The following SERPINF1 variants were observed in gnomAD, a reference collection of about 807,000 sequenced individuals.
The protein encoded by SERPINF1 is serpin family F member 1, also known as pigment epithelium-derived factor.
Under a neutral mutation model 37.3 loss-of-function variants are expected in SERPINF1, and 29 were observed. That is an observed-to-expected ratio of 0.78 (90% confidence interval 0.58 to 1.06). SERPINF1 has a LOEUF of 1.06. SERPINF1 is among the 50% of genes least tolerant of loss of function. The probability of loss-of-function intolerance (pLI) is 0.00; values close to 1 mark genes in which losing one functional copy is unlikely to be tolerated. For missense variants in SERPINF1, 553 were observed against 532.2 expected (o/e 1.04, Z -0.38); for synonymous variants, 281 against 227.9 (o/e 1.23, Z -2.10).
rs749205865 is a variant in SERPINF1 at position 1,775,251 on chromosome 17, G to C, written c.786+51G>C. 1.5e-5 allele frequency: 23 copies of C among 1,580,092 alleles called. No individual in the cohort carries two copies. The Admixed American group carries it at 3.9e-4, about 27-fold the overall frequency. ...GGGGTGGATGGAGGGAGAGGATAGA[G>C]AAGCAAAACAGGGTAGTGGGAATAA... is the stretch of plus-strand genomic sequence containing the variant. On this transcript the variant is annotated intron_variant, in intron 6 of 7. Coordinates refer to ENST00000254722, the MANE Select transcript of SERPINF1 (RefSeq NM_002615.7).
chr17:1,774,853 T>C (rs1907931346), intron 5 of SERPINF1, among the ~76,000 whole-genome samples: 1 of 152,124 alleles, frequency 6.6e-6, no homozygotes, highest in African/African-American at 2.4e-5. Context: ...AGTTTGCTGG[T>C]GAAGGGCACT....
At chr17:1,768,547 C>T (rs1003946112) in intron 2 of SERPINF1, among the ~76,000 whole-genome samples, 3 of 151,654 alleles carry the variant, frequency 2.0e-5, no homozygotes, top group Non-Finnish European at 4.4e-5. Flanking sequence ...GATCTTGGCT[C>T]ACTGCAATCT....
chr17:1,764,853 T>A (rs902468371), intron 1 of SERPINF1, among the ~76,000 whole-genome samples: 6 of 150,484 alleles, frequency 4.0e-5, no homozygotes, highest in Non-Finnish European at 8.9e-5. Context: ...TCCTTTTTTT[T>A]TTTTTTTTGA....
In SERPINF1 at chr17:1,775,156, A is replaced by C; in HGVS notation, c.742A>C (p.Lys248Gln). ...TVRVPMMSDPKAVLRYGLDSD... is the reference protein window; with the variant it reads ...TVRVPMMSDPQAVLRYGLDSD... ...GAGGGTCCCCATGATGTCGGACCCT[A>C]AGGCTGTTTTACGCTATGGCTTGGA... is the stretch of plus-strand genomic sequence containing the variant. Residue 248 changes from lysine to glutamine, a missense_variant, in exon 6 of 8, where the codon AAG becomes CAG. Lys to Gln is a moderately conservative substitution (Grantham distance 53). Coordinates refer to ENST00000254722, the MANE Select transcript of SERPINF1 (RefSeq NM_002615.7). 1 of 1,613,632 alleles carries C rather than the reference A, an allele frequency of 6.2e-7. No homozygotes were observed. Among genetic ancestry groups the C allele is most frequent in the Non-Finnish European group, 8.5e-7 (1 of 1,179,766 alleles).
chr17:1,776,580 C>T lies in SERPINF1; in HGVS notation c.835C>T (p.Pro279Ser), dbSNP rs753808651. ...AAGCATGAGTATCATCTTCTTCCTG[C>T]CCCTGAAAGTGACCCAGAATTTGAC... Reference protein sequence around the residue: ...TGSMSIIFFLPLKVTQNLTLI... With the variant: ...TGSMSIIFFLSLKVTQNLTLI... Residue 279 changes from proline to serine, a missense_variant, in exon 7 of 8, where the codon CCC becomes TCC. By Grantham distance (74) the Pro-to-Ser change is moderately conservative (BLOSUM62 -1). Transcript: ENST00000254722. 10 of 1,614,038 alleles carry T rather than the reference C, an allele frequency of 6.2e-6. No individual in the cohort carries two copies. The East Asian group carries it at 1.6e-4, about 25-fold the overall frequency.
At position 1,765,203 on chromosome 17, in the gene SERPINF1, T is replaced by G. The variant is rs372133600; in HGVS notation, c.-8-1700T>G. Among the ~76,000 whole-genome samples the G allele has an allele frequency of 1.2e-4, 18 of 144,124 alleles. No homozygotes were observed. The East Asian group carries it at 1.7e-3, about 14-fold the overall frequency. The allele number at this position is 144,124 out of a possible 152,430, so 94.6% of individuals were successfully genotyped here. On this transcript the variant is annotated intron_variant, in intron 1 of 7. Coordinates refer to ENST00000254722, the MANE Select transcript of SERPINF1 (RefSeq NM_002615.7). ...TGTTGCCCAGGCTGGAGTGCAGTGG[T>G]GCGATCTTGGCTCACTGCAACCTCC...
chr17:1,771,101 A>G lies in SERPINF1; in HGVS notation c.356A>G (p.His119Arg). 1 of 1,614,064 alleles carries G rather than the reference A, an allele frequency of 6.2e-7. No individual in the cohort carries two copies. The highest frequency in any genetic ancestry group is 8.5e-7 in the Non-Finnish European group (1 of 1,179,998). ...YYDLISSPDI[H>R]GTYKELLDTV... is the part of the protein sequence containing the mutation. ...GACTTGATCAGCAGCCCAGACATCC[A>G]TGGTACCTATAAGGAGCTCCTTGAC... Residue 119 changes from histidine (H) to arginine (R), a missense_variant, in exon 4 of 8, where the codon CAT (histidine) becomes CGT (arginine). Physicochemically the swap from His to Arg is conservative, Grantham distance 29 (BLOSUM62 0). Coordinates refer to ENST00000254722, the MANE Select transcript of SERPINF1 (RefSeq NM_002615.7).
At chr17:1,775,682 T>C (rs144699640) in intron 6 of SERPINF1, among the ~76,000 whole-genome samples, 153 of 152,230 alleles carry the variant, frequency 1.0e-3, no homozygotes, top group Middle Eastern at 3.4e-3. Flanking sequence ...TAGCTGGGAT[T>C]ACAGGCGTGT....
chr17:1,770,782 T>C (rs1294356465), intron 3 of SERPINF1: 11 of 488,322 alleles, frequency 2.3e-5, no homozygotes, highest in Non-Finnish European at 3.8e-5. Flanking sequence ...AGGGCTATGA[T>C]GGGAGAAGTA....
At chr17:1,763,849 C>T (rs1460289119) in intron 1 of SERPINF1, among the ~76,000 whole-genome samples, 1 of 152,232 alleles carries the variant, frequency 6.6e-6, no homozygotes, top group African/African-American at 2.4e-5. Context: ...ACTAAAGTCG[C>T]TCCTTCAAGT....
Position 1,777,525 on chromosome 17 carries a change from G to A in SERPINF1, c.*79G>A. On this transcript the variant is annotated 3_prime_UTR_variant, in exon 8 of 8. Coordinates refer to ENST00000254722, the MANE Select transcript of SERPINF1 (RefSeq NM_002615.7). ...TCCACAGGACACGAAGGCTGCCCCT[G>A]TAAGGTTTCAATGCATACAATAAAA... 1 of 1,581,790 alleles carries A rather than the reference G, an allele frequency of 6.3e-7. No individual in the cohort carries two copies. Among genetic ancestry groups the A allele is most frequent in the Non-Finnish European group, 8.7e-7 (1 of 1,153,074 alleles).
rs114769599 is a variant in SERPINF1, at chr17:1,773,085, T to C, written c.643+1010T>C. ...TCTGGGTCACAGCTGGGGGAGGATC[T>C]GGGAACTGTGCTTGCCTGAAGCTTA... On this transcript the variant is annotated intron_variant, in intron 5 of 7. Coordinates refer to ENST00000254722, the MANE Select transcript of SERPINF1 (RefSeq NM_002615.7). Among the ~76,000 whole-genome samples the C allele has an allele frequency of 8.9e-3, 1,348 of 152,280 alleles. 19 individuals are homozygous for C. The highest frequency in any genetic ancestry group is 0.031 in the African/African-American group (1,309 of 41,560).
intron 1 of SERPINF1, among the ~76,000 whole-genome samples, chr17:1,763,699 C>A (rs1290593887): frequency 6.6e-6 from 1 of 152,202 alleles, no homozygotes; most frequent in African/African-American, 2.4e-5. Flanking sequence ...TACTCTGGGT[C>A]CCTGTGTCTA....
In SERPINF1 at chr17:1,771,313, A is replaced by G. The variant is rs527248077; in HGVS notation, c.439+129A>G. 756 of 922,326 alleles carry G rather than the reference A, an allele frequency of 8.2e-4. 7 individuals carry two copies. The South Asian group carries it at 0.012, about 15-fold the overall frequency. 57.1% of individuals were successfully genotyped at this position (922,326 alleles called of 1,614,324 possible). A position where few individuals can be genotyped will look rare whatever the true frequency, so the allele number is the denominator to read the frequency against. ...GCCCAGGCTGGAGTGCAGTGGCGTG[A>G]TCTCGGCTCACTGCAACCTCCACCT... On this transcript the variant is annotated intron_variant, in intron 4 of 7. Coordinates refer to ENST00000254722, the MANE Select transcript of SERPINF1 (RefSeq NM_002615.7).
At chr17:1,774,255 G>C (rs1227891395) in intron 5 of SERPINF1, among the ~76,000 whole-genome samples, 1 of 152,180 alleles carries the variant, frequency 6.6e-6, no homozygotes, top group Admixed American at 6.5e-5. Flanking sequence ...GAGTGCTGTG[G>C]TGTGATCTCA....
rs149768643 is a variant in SERPINF1 at position 1,769,991 on chromosome 17, C to T, written c.224C>T (p.Thr75Met). Residue 75 changes from threonine to methionine, a missense_variant, in exon 3 of 8, where the codon ACG becomes ATG. By Grantham distance (81) the Thr-to-Met change is moderately conservative. Coordinates refer to ENST00000254722, the MANE Select transcript of SERPINF1 (RefSeq NM_002615.7). The part of the protein sequence containing the change: ...LYRVRSSTSP[T>M]TNVLLSPLSV... ...CGGGTGCGATCCAGCACGAGCCCCACGACCAACGTGCTCCTGTCTCCTCTC... is the reference window on the plus strand; with the variant it reads ...CGGGTGCGATCCAGCACGAGCCCCATGACCAACGTGCTCCTGTCTCCTCTC... The T allele has an allele frequency of 8.2e-5, 132 of 1,614,164 alleles. 1 individual carries two copies. Among genetic ancestry groups the T allele is most frequent in the South Asian group, 4.9e-4 (45 of 91,078 alleles).
chr17:1,770,947 T>C, intron 3 of SERPINF1, 82 bp from the exon 4 acceptor site: 31 of 1,556,318 alleles, frequency 2.0e-5, no homozygotes, highest in Non-Finnish European at 2.7e-5. Flanking sequence ...AAAAGATGAG[T>C]ATAGTGTCTG....
intron 5 of SERPINF1, among the ~76,000 whole-genome samples, chr17:1,772,897 G>A (rs1209727067): frequency 6.6e-6 from 1 of 152,162 alleles, no homozygotes; most frequent in Non-Finnish European, 1.5e-5. Flanking sequence ...TGATGCCGAG[G>A]CTGGTCTCGA....
rs1221203441 is a variant in SERPINF1 at position 1,769,925 on chromosome 17, A to G, written c.158A>G (p.Lys53Arg). ...EDPFFKVPVN[K>R]LAAAVSNFGY... ...CCTTTCTTCAAAGTCCCCGTGAACA[A>G]GCTGGCAGCGGCTGTCTCCAACTTC... Residue 53 changes from lysine to arginine, a missense_variant, in exon 3 of 8, where the codon AAG (lysine) becomes AGG (arginine). By Grantham distance (26) the Lys-to-Arg change is conservative. Transcript: ENST00000254722. 4.3e-6 allele frequency: 7 copies of G among 1,614,056 alleles called. No individual in the cohort carries two copies. The highest frequency in any genetic ancestry group is 5.9e-6 in the Non-Finnish European group (7 of 1,180,028).
Sources: allele counts gnomAD v4.1 joint callset (sites outside exome capture counted in the v4.1 genomes callset), GRCh38; gene constraint gnomAD v4.1.1; transcripts MANE v1.5; gene names NCBI Gene and HGNC (gene_info 2026-07-23, HGNC 2026-07-21).